The following SLC35F3 variants were observed in gnomAD, a reference collection of about 807,000 sequenced individuals.
The protein encoded by SLC35F3 is solute carrier family 35 member F3, also known as putative thiamine transporter SLC35F3.
In SLC35F3, 25 loss-of-function variants were observed where a neutral mutation model predicts 49.9. That is an observed-to-expected ratio of 0.50 (90% CI 0.37 to 0.70). The LOEUF is 0.70. SLC35F3 is among the 30% of genes least tolerant of loss of function. The pLI, the probability that SLC35F3 is intolerant of heterozygous loss-of-function variation, is 0.00. For synonymous variants in SLC35F3, 275 were observed against 265.4 expected (o/e 1.04, Z -0.35); for missense variants, 525 against 639.8 (o/e 0.82, Z 1.94).
chr1:233,945,780 C>T (rs900552415), intron 2 of SLC35F3, among the ~76,000 whole-genome samples: 1 of 152,208 alleles, frequency 6.6e-6, no homozygotes, highest in Non-Finnish European at 1.5e-5. Context: ...TGGCCTGCTG[C>T]CACATAAGAT....
chr1:234,114,381 G>T (rs1473302842), intron 2 of SLC35F3, among the ~76,000 whole-genome samples: 1 of 152,158 alleles, frequency 6.6e-6, no homozygotes, highest in Non-Finnish European at 1.5e-5. Context: ...CTTCAAATGT[G>T]AGTAAAGGAA....
At chr1:234,266,146 T>C (rs899539165) in intron 3 of SLC35F3, among the ~76,000 whole-genome samples, 1 of 152,232 alleles carries the variant, frequency 6.6e-6, no homozygotes, top group East Asian at 1.9e-4. Context: ...GACTTTGTTT[T>C]ATTCACTGCT....
At chr1:234,263,848 G>A (rs748810666) in intron 3 of SLC35F3, among the ~76,000 whole-genome samples, 2 of 152,158 alleles carry the variant, frequency 1.3e-5, no homozygotes, top group Admixed American at 6.5e-5. Flanking sequence ...GGTGGCTCAC[G>A]CTTGTAATCC....
intron 2 of SLC35F3, among the ~76,000 whole-genome samples, chr1:234,104,734 A>G (rs1665258974): frequency 6.6e-6 from 1 of 152,252 alleles, no homozygotes; most frequent in Non-Finnish European, 1.5e-5. Flanking sequence ...TATGGAACTG[A>G]CTGAAAACAA....
At chr1:234,002,724 C>T (rs1326708605) in intron 2 of SLC35F3, among the ~76,000 whole-genome samples, 1 of 152,236 alleles carries the variant, frequency 6.6e-6, no homozygotes, top group East Asian at 1.9e-4. Flanking sequence ...CTATGCATAG[C>T]CCACCCTTAA....
At chr1:234,303,078 CT>C (rs1339821071) in intron 3 of SLC35F3, among the ~76,000 whole-genome samples, 2 of 152,178 alleles carry the variant, frequency 1.3e-5, no homozygotes, top group Non-Finnish European at 2.9e-5. Context: ...TAGACATCCT[CT>C]GATTTCTATC....
intron 2 of SLC35F3, among the ~76,000 whole-genome samples, chr1:233,931,058 A>G (rs1232727414): frequency 2.0e-5 from 3 of 152,158 alleles, no homozygotes; most frequent in Non-Finnish European, 4.4e-5. Context: ...TATTTAATAA[A>G]TGGTGTCGGG....
At position 234,214,232 on chromosome 1, in the gene SLC35F3, A is replaced by C; in HGVS notation, c.284-17185A>C. 1 of 1,214,470 alleles carries C rather than the reference A, an allele frequency of 8.2e-7. No homozygotes were observed. Among genetic ancestry groups the C allele is most frequent in the Admixed American group, 4.6e-5 (1 of 21,966 alleles). 75.2% of individuals were successfully genotyped at this position (1,214,470 alleles called of 1,614,324 possible). A position where few individuals can be genotyped will look rare whatever the true frequency, so the allele number is the denominator to read the frequency against. ...GTACGTGACGTTGGAGTTTGCAGCA[A>C]CCTCCAAGTAGGAGGCTGTGCGCGC... On this transcript the variant is annotated intron_variant, in intron 2 of 7. Coordinates refer to ENST00000366618, the MANE Select transcript of SLC35F3 (RefSeq NM_173508.4). The surrounding 1 kb of genome is among the most constrained non-coding windows in gnomAD (Gnocchi z 8.0).
At chr1:234,080,678 C>T (rs566460663) in intron 2 of SLC35F3, among the ~76,000 whole-genome samples, 8 of 152,158 alleles carry the variant, frequency 5.3e-5, no homozygotes, top group African/African-American at 1.2e-4. Context: ...ACAAAATGTA[C>T]GATTCCATTT....
chr1:234,319,634 G>C (rs1558109551), intron 6 of SLC35F3, among the ~76,000 whole-genome samples: 1 of 152,182 alleles, frequency 6.6e-6, no homozygotes, highest in Non-Finnish European at 1.5e-5. Context: ...CAGAGGGATT[G>C]AGGCTGCAGT....
chr1:233,981,756 G>A (rs76247961), intron 2 of SLC35F3, among the ~76,000 whole-genome samples: 3,154 of 152,170 alleles, frequency 0.021, 51 homozygotes, highest in Non-Finnish European at 0.035. Context: ...GTTTTTCAAA[G>A]TGGTGGTAGT....
At chr1:234,195,540 CT>C (rs1666795045) in intron 2 of SLC35F3, among the ~76,000 whole-genome samples, 1 of 152,100 alleles carries the variant, frequency 6.6e-6, no homozygotes, top group East Asian at 1.9e-4. Context: ...ATTGTGTCCC[CT>C]TTGACTGGAA....
intron 2 of SLC35F3, among the ~76,000 whole-genome samples, chr1:234,010,791 G>A (rs2102837441): frequency 6.6e-6 from 1 of 152,210 alleles, no homozygotes; most frequent in African/African-American, 2.4e-5. Context: ...GGAAAGAAAA[G>A]GAGAACAGGA....
chr1:234,023,977 A>T (rs1326234667), intron 2 of SLC35F3, among the ~76,000 whole-genome samples: 1 of 152,130 alleles, frequency 6.6e-6, no homozygotes. Flanking sequence ...ATGTAATACC[A>T]TATCCTGGAA....
At chr1:234,053,267 G>A (rs1425767682) in intron 2 of SLC35F3, among the ~76,000 whole-genome samples, 4 of 152,190 alleles carry the variant, frequency 2.6e-5, no homozygotes, top group East Asian at 1.9e-4. Context: ...TACTGTGTGG[G>A]AGTCTAAGTC....
intron 3 of SLC35F3, among the ~76,000 whole-genome samples, chr1:234,267,186 G>A (rs1667996063): frequency 7.6e-6 from 1 of 131,542 alleles, no homozygotes; most frequent in African/African-American, 3.0e-5. Flanking sequence ...AGAGAGCACA[G>A]GGTTGGGGAT....
At chr1:234,011,133 G>A (rs1347791443) in intron 2 of SLC35F3, among the ~76,000 whole-genome samples, 2 of 152,002 alleles carry the variant, frequency 1.3e-5, no homozygotes. Flanking sequence ...AAATAAATGT[G>A]AGCTACTATA....
At chr1:234,148,224 C>G (rs761111933) in intron 2 of SLC35F3, among the ~76,000 whole-genome samples, 27 of 152,234 alleles carry the variant, frequency 1.8e-4, no homozygotes, top group Non-Finnish European at 3.4e-4. Context: ...GCAGGGAGAG[C>G]TTTCCTCTGA....
At chr1:234,079,777 G>A (rs1664847253) in intron 2 of SLC35F3, among the ~76,000 whole-genome samples, 1 of 152,120 alleles carries the variant, frequency 6.6e-6, no homozygotes, top group African/African-American at 2.4e-5. Context: ...TATTAACGAG[G>A]ATATAGAGAA....
Sources: gnomAD v4.1 joint callset for allele counts (sites outside exome capture counted in the v4.1 genomes callset) on GRCh38, gnomAD v4.1.1 for gene constraint, Gnocchi (gnomAD v3.1) non-coding constraint, MANE v1.5 for transcripts, NCBI Gene and HGNC (gene_info 2026-07-23, HGNC 2026-07-21) for gene names.